SIL1: variants seen among roughly 807,000 people sequenced by gnomAD.
SIL1 encodes the protein SIL1 nucleotide exchange factor, also known as nucleotide exchange factor SIL1.
In SIL1, 40 loss-of-function variants were observed where a neutral mutation model predicts 49.1. That is an observed-to-expected ratio of 0.81 (90% CI 0.63 to 1.06). SIL1 has a LOEUF of 1.06. Ranked by LOEUF, SIL1 falls within the 50% of genes least tolerant of loss-of-function variation. The pLI is 0.00. For missense variants in SIL1, 500 were observed against 572.6 expected, an observed-to-expected ratio of 0.87 and a Z score of 1.29; for synonymous variants, 253 against 250.8, an observed-to-expected ratio of 1.01 and a Z score of -0.08.
intron 7 of SIL1, among the ~76,000 whole-genome samples, chr5:138,996,837 A>C (rs773572755): frequency 2.7e-4 from 41 of 151,830 alleles, no homozygotes; most frequent in Non-Finnish European, 2.5e-4. Flanking sequence ...TTTTAGCTTG[A>C]TGTAATCTCT....
At chr5:139,006,855 T>G (rs1768130544) in intron 7 of SIL1, among the ~76,000 whole-genome samples, 1 of 148,454 alleles carries the variant, frequency 6.7e-6, no homozygotes, top group Non-Finnish European at 1.5e-5. Flanking sequence ...CTGTTTTGGT[T>G]ACTGTAGCCT....
At chr5:139,170,215 T>G (rs948084993) in intron 1 of SIL1, among the ~76,000 whole-genome samples, 1 of 152,072 alleles carries the variant, frequency 6.6e-6, no homozygotes, top group African/African-American at 2.4e-5. Flanking sequence ...CTCGGCTCGC[T>G]ACAACCTCCA....
At chr5:139,125,119 A>C (rs932307697) in intron 2 of SIL1, among the ~76,000 whole-genome samples, 1 of 152,248 alleles carries the variant, frequency 6.6e-6, no homozygotes, top group Non-Finnish European at 1.5e-5. Flanking sequence ...GAACAAGCAC[A>C]ACTAGCCTCA....
chr5:139,131,388 C>T (rs1020992879), intron 1 of SIL1, among the ~76,000 whole-genome samples: 1 of 152,136 alleles, frequency 6.6e-6, no homozygotes, highest in African/African-American at 2.4e-5. Flanking sequence ...CCTGAACCCA[C>T]TCTCAGAAGT....
At position 138,946,733 on chromosome 5, in the gene SIL1, T is replaced by G; in HGVS notation, c.*384A>C. On this transcript the variant is annotated 3_prime_UTR_variant, in exon 10 of 10. Transcript: ENST00000394817. The stretch of plus-strand genomic sequence containing the variant: ...CTAGTGTGAAGCTTTCTACGTGATT[T>G]TTCTCCTTTAATGGCACTCCTGACA... The G allele has an allele frequency of 3.8e-6, 1 of 261,790 alleles. No individual in the cohort carries two copies. Among genetic ancestry groups the G allele is most frequent in the South Asian group, 5.1e-5 (1 of 19,498 alleles). The allele number at this position is 261,790 out of a possible 1,614,324, so 16.2% of individuals were successfully genotyped here.
intron 1 of SIL1, among the ~76,000 whole-genome samples, chr5:139,154,681 T>C (rs544794528): frequency 6.6e-6 from 1 of 152,206 alleles, no homozygotes; most frequent in Non-Finnish European, 1.5e-5. Context: ...GAAAGCCTCT[T>C]ATTCATCTAA....
At chr5:139,146,564 T>A (rs760203060) in intron 1 of SIL1, among the ~76,000 whole-genome samples, 16 of 152,046 alleles carry the variant, frequency 1.1e-4, no homozygotes, top group Non-Finnish European at 2.4e-4. Flanking sequence ...TTTCAAAAAA[T>A]GTTTAATAAA....
chr5:139,096,468 G>A (rs1038968727), intron 3 of SIL1, among the ~76,000 whole-genome samples: 1 of 151,918 alleles, frequency 6.6e-6, no homozygotes, highest in African/African-American at 2.4e-5. Context: ...TAAGACACTA[G>A]CCAAGGCGCC....
intron 7 of SIL1, among the ~76,000 whole-genome samples, chr5:138,974,591 C>G (rs935670878): frequency 1.3e-5 from 2 of 152,078 alleles, no homozygotes; most frequent in African/African-American, 4.8e-5. Flanking sequence ...TGGGAGTTGC[C>G]CAAACTTCTA....
chr5:139,073,885 A>G (rs1769887280), intron 3 of SIL1, among the ~76,000 whole-genome samples: 1 of 151,824 alleles, frequency 6.6e-6, no homozygotes, highest in East Asian at 1.9e-4. Flanking sequence ...GGGCAACAAG[A>G]GCAAAACTCC....
At position 138,947,595 on chromosome 5, in the gene SIL1, G is replaced by A; in HGVS notation, c.1030-122C>T. On this transcript the variant is annotated intron_variant, in intron 9 of 9. Coordinates refer to ENST00000394817, the MANE Select transcript of SIL1 (RefSeq NM_022464.5). The surrounding 1 kb of genome is among the most constrained non-coding windows in gnomAD (Gnocchi z 4.1). ...ACAGGAAGGCACGAGGCTGACCCCT[G>A]AGGGCCCACCTCTTCCTCTATCCCC... is the stretch of plus-strand genomic sequence containing the variant. 1 of 788,980 alleles carries A rather than the reference G, an allele frequency of 1.3e-6. No homozygotes were observed. The highest frequency in any genetic ancestry group is 1.5e-5 in the South Asian group (1 of 67,184). 48.9% of individuals were successfully genotyped at this position (788,980 alleles called of 1,614,324 possible).
At chr5:139,160,191 G>A (rs1325747968) in intron 1 of SIL1, among the ~76,000 whole-genome samples, 1 of 142,898 alleles carries the variant, frequency 7.0e-6, no homozygotes, top group Non-Finnish European at 1.5e-5. Context: ...ACACACAAAA[G>A]TTATAGCCTG....
At chr5:139,061,880 C>T (rs549466754) in intron 3 of SIL1, among the ~76,000 whole-genome samples, 1 of 152,274 alleles carries the variant, frequency 6.6e-6, no homozygotes, top group Non-Finnish European at 1.5e-5. Flanking sequence ...AGTAGGCCTC[C>T]ATAAAGGTCA....
chr5:139,135,754 G>A, intron 1 of SIL1, among the ~76,000 whole-genome samples: 1 of 151,122 alleles, frequency 6.6e-6, no homozygotes. Flanking sequence ...AAAAGTTAGT[G>A]CATCCAATGA....
At chr5:139,121,788 T>C (rs1750645916) in intron 2 of SIL1, among the ~76,000 whole-genome samples, 1 of 152,140 alleles carries the variant, frequency 6.6e-6, no homozygotes, top group Non-Finnish European at 1.5e-5. Flanking sequence ...GGGAGGAAGA[T>C]GCTCAGGTTG....
At position 139,141,375 on chromosome 5, in the gene SIL1, A is replaced by G. The variant is rs1044406740; in HGVS notation, c.-10-13522T>C. Among the ~76,000 whole-genome samples the G allele has an allele frequency of 2.0e-5, 3 of 152,104 alleles. No homozygotes were observed. The South Asian group carries it at 6.2e-4, about 32-fold the overall frequency. ...TAAAAACAGGTGCTGGCCAGGCACAATGGTTCACACCTGTAATCCCAGCAC... is the reference window on the plus strand; with the variant it reads ...TAAAAACAGGTGCTGGCCAGGCACAGTGGTTCACACCTGTAATCCCAGCAC... On this transcript the variant is annotated intron_variant, in intron 1 of 9. Coordinates refer to ENST00000394817, the MANE Select transcript of SIL1 (RefSeq NM_022464.5).
At chr5:139,159,248 A>T (rs1751462542) in intron 1 of SIL1, among the ~76,000 whole-genome samples, 2 of 152,224 alleles carry the variant, frequency 1.3e-5, no homozygotes, top group African/African-American at 4.8e-5. Flanking sequence ...TTCTGATGGA[A>T]GAAAGGCCAG....
At chr5:139,062,399 G>A (rs1187531671) in intron 3 of SIL1, among the ~76,000 whole-genome samples, 4 of 152,050 alleles carry the variant, frequency 2.6e-5, no homozygotes, top group South Asian at 2.1e-4. Flanking sequence ...AATCTGGGCC[G>A]GGTCTTAGAA....
rs372735568 is a variant in SIL1, at chr5:139,021,281, C to T, written c.657G>A (p.Ala219=). 1.9e-5 allele frequency: 31 copies of T among 1,614,004 alleles called. No homozygotes were observed. The highest frequency in any genetic ancestry group is 2.7e-5 in the African/African-American group (2 of 74,892). Residue 219 remains alanine (A), a synonymous_variant, in exon 7 of 10, where the codon GCG becomes GCA. Coordinates refer to ENST00000394817, the MANE Select transcript of SIL1 (RefSeq NM_022464.5). ...LEYYVHQMDN[A]QDLLSFGGLQ... ...GACCACCAAAGGAAAGCAGGTCCTG[C>T]GCATTGTCCATCTGCAACAGAGCCA...
Sources: gnomAD v4.1 joint callset for allele counts (sites outside exome capture counted in the v4.1 genomes callset) on GRCh38, gnomAD v4.1.1 for gene constraint, Gnocchi (gnomAD v3.1) non-coding constraint, MANE v1.5 for transcripts, NCBI Gene and HGNC (gene_info 2026-07-23, HGNC 2026-07-21) for gene names.